SRPK2: variants seen among roughly 807,000 people sequenced by gnomAD.
The protein encoded by SRPK2 is SFRS protein kinase 2.
SRPK2 carries 21 observed loss-of-function variants against 90.8 expected under a neutral mutation model. The ratio of observed to expected loss-of-function variants is 0.23; its 90% CI spans 0.16 to 0.33. SRPK2 has a LOEUF of 0.33. SRPK2 is among the 10% of genes least tolerant of loss of function. SRPK2 has a pLI of 1.00. For missense variants in SRPK2, 620 were observed against 869.0 expected (o/e 0.71, Z 3.60); for synonymous variants, 288 against 311.1 (o/e 0.93, Z 0.78).
At chr7:105,387,957 C>T (rs1048883307) in intron 2 of SRPK2, among the ~76,000 whole-genome samples, 10 of 152,224 alleles carry the variant, frequency 6.6e-5, no homozygotes, top group African/African-American at 2.4e-4. Context: ...CACACGCCCA[C>T]CGCCCTGCGC....
intron 2 of SRPK2, among the ~76,000 whole-genome samples, chr7:105,229,008 G>A (rs1260307398): frequency 3.3e-5 from 5 of 152,138 alleles, no homozygotes; most frequent in African/African-American, 1.2e-4. Context: ...CTGTGAAATT[G>A]AAGCTGGAAT....
chr7:105,327,651 A>C (rs1563243461), intron 2 of SRPK2, among the ~76,000 whole-genome samples: 1 of 152,212 alleles, frequency 6.6e-6, no homozygotes, highest in Non-Finnish European at 1.5e-5. Context: ...GGTGAGGCCC[A>C]CATGTCCTGG....
At chr7:105,359,017 A>G (rs1348553860) in intron 2 of SRPK2, among the ~76,000 whole-genome samples, 2 of 152,052 alleles carry the variant, frequency 1.3e-5, no homozygotes, top group Non-Finnish European at 2.9e-5. Context: ...GTGAGAAGCA[A>G]GAATGACACC....
chr7:105,247,531 A>AACACACACACACAC (rs59040708), intron 2 of SRPK2, among the ~76,000 whole-genome samples: 20,866 of 145,028 alleles, frequency 0.14, 1,713 homozygotes, highest in Non-Finnish European at 0.19. Context: ...CACACACATA[A>AACACACACACACAC]ACACACACAC....
At chr7:105,222,233 T>C (rs948317412) in intron 2 of SRPK2, among the ~76,000 whole-genome samples, 4 of 152,234 alleles carry the variant, frequency 2.6e-5, no homozygotes, top group Admixed American at 6.5e-5. Flanking sequence ...CAAACTGCTT[T>C]GCAAAATTCT....
chr7:105,176,256 C>T (rs1019745033), intron 3 of SRPK2, among the ~76,000 whole-genome samples: 5 of 152,044 alleles, frequency 3.3e-5, no homozygotes, highest in Non-Finnish European at 7.4e-5. Flanking sequence ...CACAGAAAAT[C>T]ATCTGACAAT....
intron 10 of SRPK2, among the ~76,000 whole-genome samples, 189 bp from the exon 11 acceptor site, chr7:105,142,679 C>T (rs896490509): frequency 6.6e-6 from 1 of 152,148 alleles, no homozygotes; most frequent in South Asian, 2.1e-4. Flanking sequence ...AGTAATTGGC[C>T]TGCTCTTATA....
At chr7:105,270,647 G>T (rs946118978) in intron 2 of SRPK2, among the ~76,000 whole-genome samples, 4 of 151,820 alleles carry the variant, frequency 2.6e-5, no homozygotes, top group African/African-American at 7.3e-5. Context: ...GACCTCAGAT[G>T]ATGCGCCCAC....
intron 6 of SRPK2, among the ~76,000 whole-genome samples, chr7:105,166,694 GGAGTATAGAAAATGCA>G (rs1388210574): frequency 3.3e-5 from 5 of 152,128 alleles, no homozygotes; most frequent in East Asian, 3.8e-4. Flanking sequence ...GATTTATCAA[GGAGTATAGAAAATGCA>G]GAGTATAGAA....
rs544021761 is a variant in SRPK2, at chr7:105,145,410, G to A, written c.788-102C>T. The A allele has an allele frequency of 5.1e-6, 4 of 781,268 alleles. No individual in the cohort carries two copies. The African/African-American group carries it at 7.0e-5, about 14-fold the overall frequency. 48.4% of individuals were successfully genotyped at this position (781,268 alleles called of 1,614,324 possible). On this transcript the variant is annotated intron_variant, in intron 8 of 15. Transcript: ENST00000393651. The stretch of plus-strand genomic sequence containing the variant: ...AGTGAAATAATTATTGTCTTTTAAT[G>A]GCTATCCAACTTCAAAAACTATTAA...
At chr7:105,157,762 A>G (rs1221669148) in intron 7 of SRPK2, among the ~76,000 whole-genome samples, 1 of 152,182 alleles carries the variant, frequency 6.6e-6, no homozygotes, top group African/African-American at 2.4e-5. Context: ...AAAACAGGGT[A>G]CATGAATTAC....
In SRPK2 at chr7:105,352,559, T is replaced by C. The variant is rs190979683; in HGVS notation, c.71+36089A>G. On this transcript the variant is annotated intron_variant, in intron 2 of 15. Transcript: ENST00000393651. ...GAAACTAAGATGATAAATGTTGCAT[T>C]AAACCACTATGCTTCACAGTAACTT... 9.1e-4 allele frequency among the ~76,000 whole-genome samples: 139 copies of C among 152,370 alleles called. 3 individuals are homozygous for C. The highest frequency in any genetic ancestry group is 3.2e-3 in the African/African-American group (134 of 41,596).
chr7:105,227,789 C>T (rs1178859746), intron 2 of SRPK2, among the ~76,000 whole-genome samples: 4 of 149,114 alleles, frequency 2.7e-5, no homozygotes, highest in Admixed American at 1.3e-4. Context: ...AATGTTCAGT[C>T]ACAATATTCA....
upstream of SRPK2, among the ~76,000 whole-genome samples, chr7:105,389,611 AAAC>A (rs138679186): frequency 4.9e-3 from 749 of 152,348 alleles, 2 homozygotes; most frequent in Non-Finnish European, 6.1e-3. Context: ...TAACAATTCA[AAAC>A]AACAATCACA....
intron 1 of SRPK2, among the ~76,000 whole-genome samples, chr7:105,395,241 G>A (rs1016466174): frequency 1.3e-5 from 2 of 151,946 alleles, no homozygotes; most frequent in Non-Finnish European, 2.9e-5. Flanking sequence ...TGTAACTCTA[G>A]CACTTTGAAA....
intron 2 of SRPK2, among the ~76,000 whole-genome samples, chr7:105,291,580 A>T (rs1809026846): frequency 6.6e-6 from 1 of 152,118 alleles, no homozygotes; most frequent in Non-Finnish European, 1.5e-5. Context: ...AACACAAAAA[A>T]TTAGCCGGGC....
chr7:105,383,914 AT>A (rs1821243961), intron 2 of SRPK2, among the ~76,000 whole-genome samples: 1 of 152,226 alleles, frequency 6.6e-6, no homozygotes, highest in Non-Finnish European at 1.5e-5. Context: ...GAATAAGCAG[AT>A]TCATAGAGAC....
chr7:105,323,698 T>C (rs981981565), intron 2 of SRPK2, among the ~76,000 whole-genome samples: 28 of 152,182 alleles, frequency 1.8e-4, no homozygotes, highest in Admixed American at 1.3e-4. Flanking sequence ...TCTTGCCTTT[T>C]AGAGTGAATA....
At chr7:105,244,739 C>G (rs867361645) in intron 2 of SRPK2, 3 of 1,107,662 alleles carry the variant, frequency 2.7e-6, no homozygotes, top group Non-Finnish European at 4.1e-6. Context: ...CAGCCGCCGC[C>G]GCGGGCGTCT....
Sources: gnomAD v4.1 joint callset for allele counts (sites outside exome capture counted in the v4.1 genomes callset) on GRCh38, gnomAD v4.1.1 for gene constraint, MANE v1.5 for transcripts, NCBI Gene and HGNC (gene_info 2026-07-23, HGNC 2026-07-21) for gene names.